NRDE2: variants seen among roughly 807,000 people sequenced by gnomAD.
NRDE2 encodes nuclear exosome regulator NRDE2.
NRDE2 carries 76 observed loss-of-function variants against 124.2 expected under a neutral mutation model. The ratio of observed to expected loss-of-function variants is 0.61; its 90% CI spans 0.51 to 0.74. The LOEUF is 0.74. NRDE2 is among the 30% of genes least tolerant of loss of function. NRDE2 has a pLI of 0.00. For missense variants in NRDE2, 1,314 were observed against 1,417.3 expected, an observed-to-expected ratio of 0.93 and a Z score of 1.17; for synonymous variants, 489 against 528.1, an observed-to-expected ratio of 0.93 and a Z score of 1.01.
rs1891718286 is a variant in NRDE2 at position 90,273,389 on chromosome 14, C to CTT, written c.*4945_*4946dup. 1 of 151,884 alleles carries CTT rather than the reference C, an allele frequency of 6.6e-6. No individual in the cohort carries two copies. The highest frequency in any genetic ancestry group is 2.1e-4 in the South Asian group (1 of 4,790). The allele number at this position is 151,884 out of a possible 1,614,324, so 9.4% of individuals were successfully genotyped here. ...CCTGGCCAACATGGTGAAACCCCAT[C>CTT]TTTACTAAAAATACAAAAATTAGCT... On this transcript the variant is annotated 3_prime_UTR_variant, in exon 14 of 14. Coordinates refer to ENST00000354366, the MANE Select transcript of NRDE2 (RefSeq NM_017970.4).
At chr14:90,318,552 C>T (rs372639408) in intron 1 of NRDE2, among the ~76,000 whole-genome samples, 10 of 152,296 alleles carry the variant, frequency 6.6e-5, no homozygotes, top group African/African-American at 2.4e-4. Context: ...GTAATCCCAG[C>T]ACTTTGGGAG....
chr14:90,275,410 A>T lies in NRDE2; in HGVS notation c.*2926T>A, dbSNP rs956865877. The T allele has an allele frequency of 3.9e-5, 6 of 152,008 alleles. No individual in the cohort carries two copies. The highest frequency in any genetic ancestry group is 8.8e-5 in the Non-Finnish European group (6 of 67,998). The allele number at this position is 152,008 out of a possible 1,614,324, so 9.4% of individuals were successfully genotyped here. On this transcript the variant is annotated 3_prime_UTR_variant, in exon 14 of 14. Coordinates refer to ENST00000354366, the MANE Select transcript of NRDE2 (RefSeq NM_017970.4). ...TGCATCTTTTCCTAAGTTTGAGATT[A>T]AAAAAAACAAAAAACCCCAGCACAT...
chr14:90,326,435 A>C (rs1269718203), intron 1 of NRDE2, among the ~76,000 whole-genome samples: 1 of 149,692 alleles, frequency 6.7e-6, no homozygotes, highest in Non-Finnish European at 1.5e-5. Flanking sequence ...CGGAGCTTGC[A>C]GTGAGCCGAG....
chr14:90,309,071 T>C (rs756199757), intron 4 of NRDE2, among the ~76,000 whole-genome samples: 5 of 151,850 alleles, frequency 3.3e-5, no homozygotes, highest in Non-Finnish European at 7.4e-5. Flanking sequence ...TGAAACTCCA[T>C]CTCTACTAAA....
At chr14:90,322,058 C>A (rs1012162661) in intron 1 of NRDE2, among the ~76,000 whole-genome samples, 2 of 152,176 alleles carry the variant, frequency 1.3e-5, no homozygotes, top group African/African-American at 4.8e-5. Flanking sequence ...GTTCTCTCCA[C>A]CCCACGCCAC....
rs545251360 is a variant in NRDE2, at chr14:90,277,992, A to G, written c.*344T>C. On this transcript the variant is annotated 3_prime_UTR_variant, in exon 14 of 14. Coordinates refer to ENST00000354366, the MANE Select transcript of NRDE2 (RefSeq NM_017970.4). ...CCACCACGACACCAGCGGAGGGAAC[A>G]CATTCACCGTGCGGGGGCCAGTGCT... The G allele has an allele frequency of 5.4e-6, 1 of 186,848 alleles. No individual in the cohort carries two copies. Among genetic ancestry groups the G allele is most frequent in the East Asian group, 1.4e-4 (1 of 7,276 alleles). 11.6% of individuals were successfully genotyped at this position (186,848 alleles called of 1,614,324 possible).
intron 11 of NRDE2, among the ~76,000 whole-genome samples, chr14:90,287,547 G>A (rs1286014440): frequency 6.6e-6 from 1 of 152,128 alleles, no homozygotes; most frequent in African/African-American, 2.4e-5. Flanking sequence ...CTTGAGCCCA[G>A]GAGGTCAAGG....
At chr14:90,279,220 GC>G (rs1891887941) in intron 12 of NRDE2, 87 bp from the exon 13 acceptor site, 1 of 1,020,316 alleles carries the variant, frequency 9.8e-7, no homozygotes, top group Admixed American at 1.7e-5. Context: ...ACGGGCACAA[GC>G]CCTCAGCTGC....
intron 4 of NRDE2, among the ~76,000 whole-genome samples, chr14:90,310,500 A>C (rs549700217): frequency 2.1e-4 from 32 of 149,086 alleles, no homozygotes; most frequent in Middle Eastern, 3.5e-3. Flanking sequence ...CCTCATGTCC[A>C]ATCTCTGTTT....
chr14:90,316,903 A>C (rs1469250614), intron 2 of NRDE2, 92 bp from the exon 3 acceptor site: 11 of 854,420 alleles, frequency 1.3e-5, no homozygotes, highest in Non-Finnish European at 2.0e-5. Context: ...TTAAGATGGA[A>C]CTATATAAAT....
chr14:90,269,142 A>T lies in NRDE2; in HGVS notation c.*9194T>A, dbSNP rs1891595969. On this transcript the variant is annotated 3_prime_UTR_variant, in exon 14 of 14. Coordinates refer to ENST00000354366, the MANE Select transcript of NRDE2 (RefSeq NM_017970.4). ...GTATAAGGCTCTGCCTCATGCCTTT[A>T]GCCCTTTCCAAAAGGCCTCATCTCT... 2.2e-6 allele frequency: 1 copy of T among 448,760 alleles called. No homozygotes were observed. The highest frequency in any genetic ancestry group is 4.0e-6 in the Non-Finnish European group (1 of 250,494). 27.8% of individuals were successfully genotyped at this position (448,760 alleles called of 1,614,324 possible).
chr14:90,324,825 G>C (rs970121973), intron 1 of NRDE2, among the ~76,000 whole-genome samples: 1 of 152,134 alleles, frequency 6.6e-6, no homozygotes, highest in Non-Finnish European at 1.5e-5. Context: ...TCATAGAGTT[G>C]TTACGTGCAT....
rs4904668 is a variant in NRDE2, at chr14:90,275,268, T to C, written c.*3068A>G. The C allele has an allele frequency of 0.95, 144,388 of 152,260 alleles. 68,872 individuals carry two copies. The highest frequency in any genetic ancestry group is 1 in the Non-Finnish European group (67,979 of 68,064). The allele number at this position is 152,260 out of a possible 1,614,324, so 9.4% of individuals were successfully genotyped here. A position where few individuals can be genotyped will look rare whatever the true frequency, so the allele number is the denominator to read the frequency against. ...GAGGACATGACTGGGCCTGAGGACC[T>C]GCTAGGAGTACTGCGTCCATGCTGA... On this transcript the variant is annotated 3_prime_UTR_variant, in exon 14 of 14. Coordinates refer to ENST00000354366, the MANE Select transcript of NRDE2 (RefSeq NM_017970.4).
chr14:90,279,015 C>A (rs370466218), intron 13 of NRDE2, 47 bp downstream of exon 13: 6 of 1,358,516 alleles, frequency 4.4e-6, no homozygotes, highest in Non-Finnish European at 6.3e-6. Flanking sequence ...GGAGACCTGG[C>A]GGGAAGTTTT....
intron 1 of NRDE2, among the ~76,000 whole-genome samples, chr14:90,320,422 G>C (rs1427662467): frequency 6.6e-6 from 1 of 152,190 alleles, no homozygotes; most frequent in African/African-American, 2.4e-5. Context: ...GAACAGCATG[G>C]GGCGAACTGC....
At chr14:90,322,184 ATACTC>A (rs1235604562) in intron 1 of NRDE2, among the ~76,000 whole-genome samples, 1 of 152,174 alleles carries the variant, frequency 6.6e-6, no homozygotes, top group Non-Finnish European at 1.5e-5. Flanking sequence ...TCTTCCCACT[ATACTC>A]TAAGCCAAGG....
At chr14:90,330,907 A>G (rs780587017) in intron 1 of NRDE2, among the ~76,000 whole-genome samples, 1 of 151,764 alleles carries the variant, frequency 6.6e-6, no homozygotes, top group African/African-American at 2.4e-5. Flanking sequence ...CCTGTCACAT[A>G]TGGCACATAA....
At position 90,288,404 on chromosome 14, in the gene NRDE2, A is replaced by G; in HGVS notation, c.2971T>C (p.Leu991=). ...APLREALSQA[L]KLYPGNQVLW... ...ACCTGGTTGCCTGGATACAACTTTA[A>G]AGCCTGTGAGAGTGCCTCTCGCAGA... The change falls in exon 11 of 14, where the codon TTA becomes CTA. Residue 991 remains leucine (L), a synonymous_variant. Coordinates refer to ENST00000354366, the MANE Select transcript of NRDE2 (RefSeq NM_017970.4). 1 of 1,614,116 alleles carries G rather than the reference A, an allele frequency of 6.2e-7. No homozygotes were observed. The highest frequency in any genetic ancestry group is 8.5e-7 in the Non-Finnish European group (1 of 1,180,028).
chr14:90,278,152 T>C lies in NRDE2; in HGVS notation c.*184A>G, dbSNP rs531770038. 10 of 608,098 alleles carry C rather than the reference T, an allele frequency of 1.6e-5. No homozygotes were observed. The East Asian group carries it at 1.7e-4, about 11-fold the overall frequency. 37.7% of individuals were successfully genotyped at this position (608,098 alleles called of 1,614,324 possible). A position where few individuals can be genotyped will look rare whatever the true frequency, so the allele number is the denominator to read the frequency against. ...ACATATATAATATGTAAATAACTTT[T>C]GTGTCATTTACACACCCAAAAAGTG... On this transcript the variant is annotated 3_prime_UTR_variant, in exon 14 of 14. Coordinates refer to ENST00000354366, the MANE Select transcript of NRDE2 (RefSeq NM_017970.4).
Sources: allele counts gnomAD v4.1 joint callset (sites outside exome capture counted in the v4.1 genomes callset), GRCh38; gene constraint gnomAD v4.1.1; transcripts MANE v1.5; gene names NCBI Gene and HGNC (gene_info 2026-07-23, HGNC 2026-07-21).